The following TENM4 variants were observed in gnomAD, a reference collection of about 807,000 sequenced individuals.
TENM4 encodes teneurin-4.
A neutral mutation model predicts 243.3 loss-of-function variants in TENM4; 82 were observed. That is an observed-to-expected ratio of 0.34 (90% CI 0.28 to 0.40). The LOEUF (loss-of-function observed/expected upper bound fraction) is 0.40. TENM4 is among the 10% of genes least tolerant of loss of function. TENM4 has a pLI of 1.00. For synonymous variants in TENM4, 1,412 were observed against 1,456.3 expected (o/e 0.97, Z 0.69); for missense variants, 3,138 against 3,673.3 (o/e 0.85, Z 3.77).
rs1402023299 is a variant in TENM4, at chr11:78,656,223, G to A, written c.*1835C>T. On this transcript the variant is annotated 3_prime_UTR_variant, in exon 34 of 34. Coordinates refer to ENST00000278550, the MANE Select transcript of TENM4 (RefSeq NM_001098816.3). ...GTGTAATATTCTGAAGACTATGTGA[G>A]TAAGGCTATAGAGGTGCCATGAGCT... The A allele has an allele frequency of 1.3e-5, 2 of 152,196 alleles. No homozygotes were observed. The highest frequency in any genetic ancestry group is 6.5e-5 in the Admixed American group (1 of 15,290). The allele number at this position is 152,196 out of a possible 1,614,324, so 9.4% of individuals were successfully genotyped here. A position where few individuals can be genotyped will look rare whatever the true frequency, so the allele number is the denominator to read the frequency against.
intron 17 of TENM4, among the ~76,000 whole-genome samples, chr11:78,775,799 T>A (rs139663503): frequency 6.6e-6 from 1 of 152,278 alleles, no homozygotes; most frequent in Non-Finnish European, 1.5e-5. Flanking sequence ...ATTTTAAAGT[T>A]TAGAGAAGGG....
chr11:79,238,078 A>G (rs1864513234), intron 2 of TENM4, among the ~76,000 whole-genome samples: 1 of 152,158 alleles, frequency 6.6e-6, no homozygotes, highest in African/African-American at 2.4e-5. Flanking sequence ...TTAAGCTGGG[A>G]GCACTGCTGT....
At chr11:79,259,858 C>T (rs1855767253) in intron 2 of TENM4, among the ~76,000 whole-genome samples, 2 of 152,192 alleles carry the variant, frequency 1.3e-5, no homozygotes, top group Non-Finnish European at 2.9e-5. Context: ...ACTGTAGTCA[C>T]GCAAGATGGG....
intron 6 of TENM4, among the ~76,000 whole-genome samples, chr11:78,906,966 T>C (rs1856077732): frequency 6.6e-6 from 1 of 152,162 alleles, no homozygotes; most frequent in African/African-American, 2.4e-5. Context: ...CAAAAAATCA[T>C]AGTAGACCAC....
intron 5 of TENM4, chr11:79,068,413 A>C (rs1372997231): frequency 6.6e-6 from 1 of 152,220 alleles, no homozygotes; most frequent in Non-Finnish European, 1.5e-5. Flanking sequence ...CTCATTTTTC[A>C]AGCCTCACAG....
chr11:79,408,626 T>C (rs1338711239), intron 1 of TENM4, among the ~76,000 whole-genome samples: 1 of 152,166 alleles, frequency 6.6e-6, no homozygotes, highest in Non-Finnish European at 1.5e-5. Flanking sequence ...CTAGGAAAAA[T>C]GTCTAATAAC....
chr11:79,048,462 G>C (rs1401355959), intron 6 of TENM4, among the ~76,000 whole-genome samples: 1 of 152,084 alleles, frequency 6.6e-6, no homozygotes, highest in Non-Finnish European at 1.5e-5. Flanking sequence ...GCAAAGCCCT[G>C]ATCCTGGACC....
chr11:79,138,331 T>TA (rs1565219212), intron 4 of TENM4, among the ~76,000 whole-genome samples: 6,065 of 76,074 alleles, frequency 0.08, 260 homozygotes, highest in Non-Finnish European at 0.12. Flanking sequence ...ATATATATAT[T>TA]ATATATATAA....
Position 78,732,394 on chromosome 11 carries a change from G to A in TENM4, c.3060C>T (p.Asn1020=). The change falls in exon 21 of 34, where the codon AAC becomes AAT. Residue 1020 remains asparagine, a synonymous_variant. Transcript: ENST00000278550. The part of the protein sequence containing the change: ...SCDLSNFARP[N]PVVSPSPLTS... ...TCAGTGGGGATGGAGAGACGACTGG[G>A]TTGGGGCGGGCAAAATTGCTCAGGT... The A allele has an allele frequency of 6.2e-7, 1 of 1,613,978 alleles. No individual in the cohort carries two copies. Among genetic ancestry groups the A allele is most frequent in the Non-Finnish European group, 8.5e-7 (1 of 1,179,884 alleles).
intron 2 of TENM4, among the ~76,000 whole-genome samples, chr11:79,293,068 T>C (rs1267713919): frequency 6.6e-6 from 1 of 152,188 alleles, no homozygotes; most frequent in Admixed American, 6.5e-5. Context: ...ACTTTATTAA[T>C]AATCACTTTT....
At chr11:79,148,335 T>G (rs925302516) in intron 4 of TENM4, among the ~76,000 whole-genome samples, 1 of 152,022 alleles carries the variant, frequency 6.6e-6, no homozygotes, top group Admixed American at 6.6e-5. Context: ...ATGGGAGAGC[T>G]CTACAAAAAT....
At chr11:79,112,541 G>T (rs1386458874) in intron 4 of TENM4, among the ~76,000 whole-genome samples, 1 of 152,116 alleles carries the variant, frequency 6.6e-6, no homozygotes, top group Non-Finnish European at 1.5e-5. Context: ...GTTGTCTGAG[G>T]GGAACCACTG....
chr11:79,030,924 C>A (rs1416956556), intron 6 of TENM4, among the ~76,000 whole-genome samples: 1 of 151,908 alleles, frequency 6.6e-6, no homozygotes, highest in Non-Finnish European at 1.5e-5. Flanking sequence ...ACCCAGGAGA[C>A]AGAGGCAAAA....
intron 3 of TENM4, among the ~76,000 whole-genome samples, chr11:79,213,060 G>A (rs1210957249): frequency 6.6e-6 from 1 of 152,168 alleles, no homozygotes; most frequent in Non-Finnish European, 1.5e-5. Context: ...GGCTCATGGG[G>A]ATGAATGGAT....
At chr11:78,743,518 G>T (rs1363538936) in intron 19 of TENM4, among the ~76,000 whole-genome samples, 1 of 152,168 alleles carries the variant, frequency 6.6e-6, no homozygotes, top group Non-Finnish European at 1.5e-5. Flanking sequence ...TGAGGGCGAT[G>T]TTAGAGAACT....
chr11:79,246,544 G>GAATC (rs1173205129), intron 2 of TENM4, among the ~76,000 whole-genome samples: 2 of 152,102 alleles, frequency 1.3e-5, no homozygotes, highest in Non-Finnish European at 2.9e-5. Flanking sequence ...CTTAACAGTA[G>GAATC]AATCGATAAC....
At chr11:79,436,657 T>G (rs1348499307) in intron 1 of TENM4, among the ~76,000 whole-genome samples, 1 of 152,190 alleles carries the variant, frequency 6.6e-6, no homozygotes, top group African/African-American at 2.4e-5. Context: ...TGATGGTTCT[T>G]GTTCAGACCA....
chr11:78,863,426 T>C (rs1024835258), intron 9 of TENM4, among the ~76,000 whole-genome samples: 1 of 152,104 alleles, frequency 6.6e-6, no homozygotes, highest in Non-Finnish European at 1.5e-5. Context: ...AATAACAATC[T>C]GGGGGAAAAA....
At chr11:78,742,523 C>T (rs1009635132) in intron 19 of TENM4, among the ~76,000 whole-genome samples, 2 of 152,158 alleles carry the variant, frequency 1.3e-5, no homozygotes, top group Admixed American at 6.5e-5. Context: ...GAAATGCCCC[C>T]GTGTAGTTTT....
Sources: gnomAD v4.1 joint callset for allele counts (sites outside exome capture counted in the v4.1 genomes callset) on GRCh38, gnomAD v4.1.1 for gene constraint, MANE v1.5 for transcripts, NCBI Gene and HGNC (gene_info 2026-07-23, HGNC 2026-07-21) for gene names.